Variants in CDH23 observed in about 807,000 individuals in gnomAD.
The protein encoded by CDH23 is cadherin-23.
In CDH23, 189 loss-of-function variants were observed where a neutral mutation model predicts 317.1. The observed-to-expected ratio is 0.60, with a 90% confidence interval of 0.53 to 0.67. CDH23 has a LOEUF of 0.67. CDH23 is among the 30% of genes least tolerant of loss of function. The pLI, the probability that CDH23 is intolerant of heterozygous loss-of-function variation, is 0.00. For missense variants in CDH23, 4,401 were observed against 4,592.4 expected (o/e 0.96, Z 1.20); for synonymous variants, 1,839 against 1,876.8 (o/e 0.98, Z 0.52).
In CDH23 at chr10:71,707,055, G is replaced by A. The variant is rs998460900; in HGVS notation, c.3106+6G>A. ...GCTCAGCTACTTCATCACAGGTGCTGCCCCGGCCTCCGCCCACCTGTGCAG... is the reference window on the plus strand; with the variant it reads ...GCTCAGCTACTTCATCACAGGTGCTACCCCGGCCTCCGCCCACCTGTGCAG... On this transcript the variant is annotated splice_donor_region_variant and intron_variant, in intron 26 of 69. Coordinates refer to ENST00000224721, the MANE Select transcript of CDH23 (RefSeq NM_022124.6). 1 of 1,598,122 alleles carries A rather than the reference G, an allele frequency of 6.3e-7. No individual in the cohort carries two copies. The highest frequency in any genetic ancestry group is 1.1e-5 in the South Asian group (1 of 88,526).
chr10:71,725,124 A>C (rs1866746738), intron 29 of CDH23, among the ~76,000 whole-genome samples: 1 of 152,190 alleles, frequency 6.6e-6, no homozygotes, highest in African/African-American at 2.4e-5. Context: ...ACCAAGATGA[A>C]GGCTTTCAGG....
intron 9 of CDH23, among the ~76,000 whole-genome samples, chr10:71,582,677 C>A (rs551484182): frequency 6.6e-6 from 1 of 152,128 alleles, no homozygotes; most frequent in Non-Finnish European, 1.5e-5. Context: ...GTGAGCTGAG[C>A]CGAGTCAGCA....
At chr10:71,552,137 T>C (rs1856631831) in intron 6 of CDH23, among the ~76,000 whole-genome samples, 1 of 152,188 alleles carries the variant, frequency 6.6e-6, no homozygotes, top group African/African-American at 2.4e-5. Context: ...GGCCCACAGA[T>C]GCAGGAGGAA....
chr10:71,532,937 G>C (rs1439514539), intron 6 of CDH23, among the ~76,000 whole-genome samples: 1 of 152,008 alleles, frequency 6.6e-6, no homozygotes, highest in Non-Finnish European at 1.5e-5. Flanking sequence ...TCACCATGTG[G>C]GCCAGGCTGG....
intron 15 of CDH23, among the ~76,000 whole-genome samples, chr10:71,677,124 G>A (rs754226135): frequency 5.9e-5 from 9 of 152,122 alleles, no homozygotes; most frequent in African/African-American, 1.2e-4. Context: ...GTTGGCACAC[G>A]TTTTTACCCT....
At chr10:71,644,761 G>C (rs1425805785) in intron 12 of CDH23, among the ~76,000 whole-genome samples, 1 of 152,236 alleles carries the variant, frequency 6.6e-6, no homozygotes, top group Non-Finnish European at 1.5e-5. Flanking sequence ...GCTAGGGGTG[G>C]GCTCTGCACC....
chr10:71,807,458 C>G, intron 58 of CDH23, 52 bp downstream of exon 58: 1 of 1,611,826 alleles, frequency 6.2e-7, no homozygotes, highest in Admixed American at 1.7e-5. Context: ...AGAGATGACC[C>G]ACATATGCCC....
chr10:71,582,944 A>G lies in CDH23; in HGVS notation c.832+4952A>G, dbSNP rs372308910. The stretch of plus-strand genomic sequence containing the variant: ...GATATGCTGATGTTGACATGCAGTG[A>G]TGGCTCCCTGGGGGCCTGTTAGACT... On this transcript the variant is annotated intron_variant, in intron 9 of 69. Coordinates refer to ENST00000224721, the MANE Select transcript of CDH23 (RefSeq NM_022124.6). 5.6e-4 allele frequency among the ~76,000 whole-genome samples: 85 copies of G among 152,316 alleles called. 2 individuals are homozygous for G. In the South Asian group the frequency reaches 0.017, roughly 31 times the overall value.
rs747699245 is a variant in CDH23 at position 71,811,413 on chromosome 10, C to T, written c.9176C>T (p.Pro3059Leu). 8 of 1,613,976 alleles carry T rather than the reference C, an allele frequency of 5.0e-6. No homozygotes were observed. The highest frequency in any genetic ancestry group is 4.5e-5 in the East Asian group (2 of 44,870). ...DVQPAISVRL[P>L]DDMSALQMAI... ...CAGCCTGCCATCTCTGTCCGGCTGC[C>T]GGATGACATGTCTGCCCTGCAGGTA... is the stretch of plus-strand genomic sequence containing the variant. The change falls in exon 63 of 70, where the codon CCG becomes CTG. Residue 3059 changes from proline to leucine, a missense_variant. Physicochemically the swap from Pro to Leu is moderately conservative, Grantham distance 98. Coordinates refer to ENST00000224721, the MANE Select transcript of CDH23 (RefSeq NM_022124.6).
rs750815841 is a variant in CDH23, at chr10:71,791,221, G to A, written c.6139G>A (p.Gly2047Arg). Residue 2047 changes from glycine (G) to arginine (R), a missense_variant, in exon 47 of 70, where the codon GGG (glycine) becomes AGG (arginine). Transcript: ENST00000224721. ...GCTGCTGCTGCTGGCTGAGGACATCGGGCTGCTCAACAGCACGGCCCACCT... is the reference window on the plus strand; with the variant it reads ...GCTGCTGCTGCTGGCTGAGGACATCAGGCTGCTCAACAGCACGGCCCACCT... Reference protein sequence around the residue: ...LELLLLAEDIGLLNSTAHLLI... With the variant: ...LELLLLAEDIRLLNSTAHLLI... 76 of 1,613,514 alleles carry A rather than the reference G, an allele frequency of 4.7e-5. No individual in the cohort carries two copies. The highest frequency in any genetic ancestry group is 4.2e-4 in the Admixed American group (25 of 59,956).
chr10:71,682,551 C>T lies in CDH23; in HGVS notation c.1965C>T (p.Val655=), dbSNP rs1354589315. The change falls in exon 18 of 70, where the codon GTC becomes GTT. Residue 655 remains valine, a synonymous_variant. Transcript: ENST00000224721. Reference sequence around the variant, plus strand: ...GCAACCCCCCTCTCAACAGCACCGTCCCTGTCACCATCGAGGTGTTTGTAA... The same window carrying T: ...GCAACCCCCCTCTCAACAGCACCGTTCCTGTCACCATCGAGGTGTTTGTAA... ...DAGNPPLNST[V]PVTIEVFDEN... 1.2e-6 allele frequency: 2 copies of T among 1,613,616 alleles called. No homozygotes were observed. Among genetic ancestry groups the T allele is most frequent in the East Asian group, 4.5e-5 (2 of 44,878 alleles).
rs1863515674 is a variant in CDH23, at chr10:71,658,569, C to T, written c.1449+11952C>T. 2.0e-5 allele frequency among the ~76,000 whole-genome samples: 3 copies of T among 152,238 alleles called. No homozygotes were observed. The South Asian group carries it at 6.2e-4, about 31-fold the overall frequency. Reference sequence around the variant, plus strand: ...GCTCTGTCTGCGGCTAATCTTTGCCCCTTTGCCAAAACAAGAGGATACTGC... The same window carrying T: ...GCTCTGTCTGCGGCTAATCTTTGCCTCTTTGCCAAAACAAGAGGATACTGC... On this transcript the variant is annotated intron_variant, in intron 14 of 69. Coordinates refer to ENST00000224721, the MANE Select transcript of CDH23 (RefSeq NM_022124.6).
Position 71,645,988 on chromosome 10 carries a change from C to T in CDH23, c.1290+8C>T, listed in dbSNP as rs1043380204. ...GACCGCTACGACTTTGATGTAAGGC[C>T]CCACTCACTGGCATTTTGGAGTGGG... On this transcript the variant is annotated splice_region_variant and intron_variant, in intron 13 of 69. Transcript: ENST00000224721. The T allele has an allele frequency of 4.4e-6, 7 of 1,608,270 alleles. No homozygotes were observed. Among genetic ancestry groups the T allele is most frequent in the Non-Finnish European group, 5.9e-6 (7 of 1,178,064 alleles).
Position 71,428,292 on chromosome 10 carries a change from C to T in CDH23, c.-5-11535C>T, listed in dbSNP as rs148456822. 5.6e-3 allele frequency among the ~76,000 whole-genome samples: 841 copies of T among 151,040 alleles called. 11 individuals carry two copies. The highest frequency in any genetic ancestry group is 0.019 in the African/African-American group (788 of 41,166). On this transcript the variant is annotated intron_variant, in intron 1 of 69. Transcript: ENST00000224721. ...AGCTGGAATTACAGGGATGCATCAC[C>T]AGGCCCAGCTAATTTTTGTATTTTT...
chr10:71,542,579 C>A (rs1010664804), intron 6 of CDH23, among the ~76,000 whole-genome samples: 2 of 152,196 alleles, frequency 1.3e-5, no homozygotes, highest in Non-Finnish European at 2.9e-5. Flanking sequence ...CCCTGTACAG[C>A]CTCTCTCTGG....
intron 28 of CDH23, among the ~76,000 whole-genome samples, chr10:71,722,905 G>A (rs1866622972): frequency 1.3e-5 from 2 of 152,326 alleles, no homozygotes; most frequent in South Asian, 2.1e-4. Flanking sequence ...ATGTGCAAGA[G>A]AGGGGCTGTT....
intron 6 of CDH23, chr10:71,512,455 T>A (rs1000059128): frequency 3.9e-5 from 6 of 152,260 alleles, no homozygotes; most frequent in Non-Finnish European, 8.8e-5. Flanking sequence ...TGGCTCCTGC[T>A]CTCTCTCATT....
chr10:71,451,546 G>T (rs1850446562), intron 3 of CDH23, among the ~76,000 whole-genome samples: 1 of 152,218 alleles, frequency 6.6e-6, no homozygotes, highest in Non-Finnish European at 1.5e-5. Context: ...TGCAGCTGTT[G>T]TTCCTGCTAC....
intron 48 of CDH23, among the ~76,000 whole-genome samples, chr10:71,796,521 C>A (rs923595563): frequency 2.6e-5 from 4 of 152,204 alleles, no homozygotes; most frequent in African/African-American, 9.6e-5. Flanking sequence ...CTCCAGGGAA[C>A]CCCTCAGGGC....
Sources: gnomAD v4.1 joint callset for allele counts (sites outside exome capture counted in the v4.1 genomes callset) on GRCh38, gnomAD v4.1.1 for gene constraint, MANE v1.5 for transcripts, NCBI Gene and HGNC (gene_info 2026-07-23, HGNC 2026-07-21) for gene names.